The following ATXN7L1 variants were observed in gnomAD, a reference collection of about 807,000 sequenced individuals.
ATXN7L1 encodes ataxin 7 like 1.
ATXN7L1 carries 15 observed loss-of-function variants against 70.8 expected under a neutral mutation model. That is an observed-to-expected ratio of 0.21 (90% CI 0.14 to 0.33). The LOEUF is 0.33. Among genes scored for constraint, ATXN7L1 ranks in the 10% least tolerant of loss-of-function variants. The pLI, the probability that ATXN7L1 is intolerant of heterozygous loss-of-function variation, is 1.00. For missense variants in ATXN7L1, 975 were observed against 1,097.1 expected, an observed-to-expected ratio of 0.89 and a Z score of 1.57; for synonymous variants, 440 against 445.1, an observed-to-expected ratio of 0.99 and a Z score of 0.14.
intron 3 of ATXN7L1, among the ~76,000 whole-genome samples, chr7:105,700,795 C>T (rs1792353653): frequency 6.6e-6 from 1 of 152,086 alleles, no homozygotes; most frequent in Non-Finnish European, 1.5e-5. Context: ...GATCCTCCCA[C>T]CCCAGCCTCC....
chr7:105,677,073 G>A (rs143176333), intron 3 of ATXN7L1, among the ~76,000 whole-genome samples: 18 of 152,358 alleles, frequency 1.2e-4, no homozygotes, highest in African/African-American at 4.3e-4. Context: ...AGGCAGAGCA[G>A]GTGCCAGGCT....
At chr7:105,873,388 C>G (rs1421502792) in intron 2 of ATXN7L1, among the ~76,000 whole-genome samples, 1 of 152,196 alleles carries the variant, frequency 6.6e-6, no homozygotes, top group African/African-American at 2.4e-5. Context: ...TGCAGTGACC[C>G]ATCCACAAAC....
intron 3 of ATXN7L1, among the ~76,000 whole-genome samples, chr7:105,765,953 C>G (rs2116425147): frequency 6.6e-6 from 1 of 152,032 alleles, no homozygotes. Flanking sequence ...AGCCTGGGCC[C>G]TTGTGACCAA....
At chr7:105,773,391 T>A (rs571696501) in intron 3 of ATXN7L1, among the ~76,000 whole-genome samples, 2 of 152,102 alleles carry the variant, frequency 1.3e-5, no homozygotes, top group Non-Finnish European at 2.9e-5. Flanking sequence ...ACTATACCCA[T>A]CTCTTTCTGC....
chr7:105,662,022 CTTTCT>C (rs1562967105), intron 4 of ATXN7L1, among the ~76,000 whole-genome samples: 102 of 72,576 alleles, frequency 1.4e-3, no homozygotes, highest in Non-Finnish European at 2.1e-3. Context: ...TTCTTTCTTT[CTTTCT>C]TTCCTTCCTT....
intron 9 of ATXN7L1, among the ~76,000 whole-genome samples, chr7:105,619,083 C>G (rs997809219): frequency 7.0e-6 from 1 of 143,318 alleles, no homozygotes; most frequent in African/African-American, 2.6e-5. Flanking sequence ...GATGTTTTCA[C>G]AGGACAGCAA....
intron 3 of ATXN7L1, among the ~76,000 whole-genome samples, chr7:105,746,475 C>T (rs1798602336): frequency 6.6e-6 from 1 of 152,214 alleles, no homozygotes; most frequent in African/African-American, 2.4e-5. Context: ...TCCCCAGCTT[C>T]TGCGTCTCTC....
intron 5 of ATXN7L1, among the ~76,000 whole-genome samples, chr7:105,641,696 G>A (rs1198247806): frequency 6.6e-6 from 1 of 152,234 alleles, no homozygotes; most frequent in African/African-American, 2.4e-5. Context: ...GCCAGGTGCT[G>A]GGGGCTCCCG....
intron 3 of ATXN7L1, among the ~76,000 whole-genome samples, chr7:105,769,175 C>T (rs1362843010): frequency 6.6e-6 from 1 of 152,174 alleles, no homozygotes; most frequent in Non-Finnish European, 1.5e-5. Flanking sequence ...GCTTTGGAAA[C>T]AGCAAGATAC....
At position 105,875,888 on chromosome 7, in the gene ATXN7L1, T is replaced by C; in HGVS notation, c.182-8A>G. ...CCTCTTCTAAATCTACATCTGCAGA[T>C]GAAAAAGAAAAGGAAAACAGAAAAT... On this transcript the variant is annotated splice_region_variant and splice_polypyrimidine_tract_variant and intron_variant, in intron 1 of 11. Transcript: ENST00000419735. 1.3e-6 allele frequency: 2 copies of C among 1,599,972 alleles called. No individual in the cohort carries two copies. The highest frequency in any genetic ancestry group is 2.2e-5 in the South Asian group (2 of 90,442).
At chr7:105,610,471 T>C (rs1290944232) in intron 11 of ATXN7L1, 58 bp downstream of exon 11, 10 of 1,420,288 alleles carry the variant, frequency 7.0e-6, no homozygotes, top group Non-Finnish European at 9.7e-6. Context: ...TCCAAACTCT[T>C]TCCACTCTGC....
intron 3 of ATXN7L1, among the ~76,000 whole-genome samples, chr7:105,688,216 A>G (rs1478248945): frequency 6.6e-6 from 1 of 152,112 alleles, no homozygotes. Flanking sequence ...CCCTACCCTG[A>G]TATCAATTCC....
At chr7:105,761,169 A>C (rs1800482147) in intron 3 of ATXN7L1, 25 of 1,283,112 alleles carry the variant, frequency 1.9e-5, no homozygotes, top group Non-Finnish European at 2.5e-5. Context: ...AAATGAAGAG[A>C]AGAACCCCAC....
intron 2 of ATXN7L1, among the ~76,000 whole-genome samples, chr7:105,793,277 G>T (rs1157862811): frequency 6.6e-6 from 1 of 152,218 alleles, no homozygotes; most frequent in African/African-American, 2.4e-5. Flanking sequence ...GCCTTTCCTA[G>T]GGTGAGTGTC....
intron 3 of ATXN7L1, among the ~76,000 whole-genome samples, chr7:105,724,341 A>G (rs929632715): frequency 6.6e-6 from 1 of 152,164 alleles, no homozygotes; most frequent in Admixed American, 6.5e-5. Context: ...TGGGAGGCCA[A>G]GGCAGGCGGA....
intron 3 of ATXN7L1, among the ~76,000 whole-genome samples, chr7:105,769,696 A>G (rs1801728711): frequency 6.6e-6 from 1 of 152,166 alleles, no homozygotes; most frequent in Admixed American, 6.5e-5. Flanking sequence ...AGCAGGGCAT[A>G]CAGTATCTGA....
chr7:105,761,582 C>T, intron 3 of ATXN7L1: 1 of 1,332,140 alleles, frequency 7.5e-7, no homozygotes, highest in Non-Finnish European at 1.0e-6. Context: ...AAATTAAACA[C>T]TGGTTGCTTA....
intron 3 of ATXN7L1, among the ~76,000 whole-genome samples, chr7:105,707,344 G>C (rs888924225): frequency 1.3e-5 from 2 of 152,158 alleles, no homozygotes; most frequent in African/African-American, 4.8e-5. Flanking sequence ...AGGTGCACTG[G>C]TTCCTTGAAT....
At chr7:105,778,044 T>G (rs1310451406) in intron 3 of ATXN7L1, among the ~76,000 whole-genome samples, 1 of 152,234 alleles carries the variant, frequency 6.6e-6, no homozygotes, top group African/African-American at 2.4e-5. Context: ...TGTTCACTAA[T>G]GCATCTGCAG....
Sources: allele counts gnomAD v4.1 joint callset (sites outside exome capture counted in the v4.1 genomes callset), GRCh38; gene constraint gnomAD v4.1.1; transcripts MANE v1.5; gene names NCBI Gene and HGNC (gene_info 2026-07-23, HGNC 2026-07-21).